Variants in TRDN observed in about 807,000 individuals in gnomAD.
TRDN encodes triadin.
In TRDN, 161 loss-of-function variants were observed where a neutral mutation model predicts 149.7. That is an observed-to-expected ratio of 1.08 (90% CI 0.95 to 1.23). The LOEUF is 1.23. Among genes scored for constraint, TRDN ranks in the 50% most tolerant of loss-of-function variants. TRDN has a pLI of 0.00. For synonymous variants in TRDN, 294 were observed against 250.5 expected (o/e 1.17, Z -1.64); for missense variants, 896 against 823.5 (o/e 1.09, Z -1.08).
At chr6:123,288,967 C>G (rs1008830726) in intron 24 of TRDN, among the ~76,000 whole-genome samples, 9 of 150,372 alleles carry the variant, frequency 6.0e-5, no homozygotes, top group Non-Finnish European at 1.0e-4. Context: ...TCACAGTAGG[C>G]AAGATACTAA....
chr6:123,621,864 G>A (rs1785400218), intron 1 of TRDN, among the ~76,000 whole-genome samples: 1 of 152,116 alleles, frequency 6.6e-6, no homozygotes, highest in South Asian at 2.1e-4. Flanking sequence ...GTCAAAGTAT[G>A]GATAGATGAA....
chr6:123,222,787 A>G (rs192323365), intron 39 of TRDN, among the ~76,000 whole-genome samples: 12 of 151,994 alleles, frequency 7.9e-5, no homozygotes, highest in Admixed American at 7.2e-4. Flanking sequence ...AAGCACTTAA[A>G]CAAATTTACA....
intron 1 of TRDN, among the ~76,000 whole-genome samples, chr6:123,596,420 G>A (rs1590246): frequency 0.85 from 130,010 of 152,070 alleles, 56,215 homozygotes; most frequent in Admixed American, 0.93. Context: ...TATATGCTGC[G>A]AGGTGTCCAG....
At chr6:123,236,646 C>T (rs968590993) in intron 38 of TRDN, among the ~76,000 whole-genome samples, 3 of 151,974 alleles carry the variant, frequency 2.0e-5, no homozygotes, top group African/African-American at 4.8e-5. Context: ...AGTTTATTTT[C>T]AAAAAATACA....
intron 1 of TRDN, among the ~76,000 whole-genome samples, chr6:123,586,156 G>A (rs1248316967): frequency 6.6e-6 from 1 of 152,150 alleles, no homozygotes; most frequent in Non-Finnish European, 1.5e-5. Flanking sequence ...AAAGAAAAAG[G>A]AGCATTAACC....
intron 30 of TRDN, among the ~76,000 whole-genome samples, chr6:123,270,076 A>C (rs560929815): frequency 6.6e-6 from 1 of 152,174 alleles, no homozygotes; most frequent in East Asian, 1.9e-4. Flanking sequence ...TACGCACATA[A>C]AATTTAAAAC....
chr6:123,603,021 A>T (rs1170243655), intron 1 of TRDN, among the ~76,000 whole-genome samples: 1 of 152,182 alleles, frequency 6.6e-6, no homozygotes, highest in African/African-American at 2.4e-5. Flanking sequence ...ATTTAATCTA[A>T]CATTAGTTCT....
chr6:123,299,266 T>G (rs999093463), intron 24 of TRDN, among the ~76,000 whole-genome samples: 1 of 151,930 alleles, frequency 6.6e-6, no homozygotes, highest in Non-Finnish European at 1.5e-5. Flanking sequence ...GAAGGGTTTG[T>G]GAGAAGGAGA....
At chr6:123,535,399 C>T (rs1443230421) in intron 4 of TRDN, among the ~76,000 whole-genome samples, 1 of 152,008 alleles carries the variant, frequency 6.6e-6, no homozygotes, top group Non-Finnish European at 1.5e-5. Flanking sequence ...CCTGACTTTC[C>T]CCTAACACTT....
At chr6:123,237,197 A>G (rs920031811) in intron 38 of TRDN, among the ~76,000 whole-genome samples, 16 of 151,978 alleles carry the variant, frequency 1.1e-4, no homozygotes, top group African/African-American at 3.4e-4. Context: ...TTTGTTTCCA[A>G]TTGCATGTTG....
intron 21 of TRDN, chr6:123,351,491 T>G (rs1780461579): frequency 1.0e-5 from 10 of 984,040 alleles, no homozygotes; most frequent in Non-Finnish European, 1.1e-5. Flanking sequence ...ACTGTAAAAT[T>G]TCAGAGTCCC....
intron 1 of TRDN, among the ~76,000 whole-genome samples, chr6:123,579,484 A>G (rs148613120): frequency 6.6e-6 from 1 of 152,324 alleles, no homozygotes; most frequent in Non-Finnish European, 1.5e-5. Context: ...CATCACAGGG[A>G]TGAAGACTAC....
rs545370023 is a variant in TRDN at position 123,569,286 on chromosome 6, C to T, written c.232+1637G>A. Among the ~76,000 whole-genome samples the T allele has an allele frequency of 4.6e-5, 7 of 152,294 alleles. No homozygotes were observed. The South Asian group carries it at 1.5e-3, about 32-fold the overall frequency. ...TCTGAGACCTCATCAGCTTGGACTT[C>T]ACTGTTCATATCAGTATCAGCATTT... On this transcript the variant is annotated intron_variant, in intron 2 of 40. Transcript: ENST00000334268.
chr6:123,465,863 A>G (rs1776772161), intron 9 of TRDN, among the ~76,000 whole-genome samples: 1 of 152,236 alleles, frequency 6.6e-6, no homozygotes, highest in Non-Finnish European at 1.5e-5. Context: ...ACTAGATATT[A>G]TCAAATGTCA....
chr6:123,560,132 G>A (rs924425272), intron 2 of TRDN, among the ~76,000 whole-genome samples: 24 of 152,272 alleles, frequency 1.6e-4, no homozygotes, highest in African/African-American at 3.6e-4. Context: ...GGCGGCTGCC[G>A]CTGCTTAAAT....
chr6:123,633,438 T>C (rs1457416489), intron 1 of TRDN, among the ~76,000 whole-genome samples: 2 of 152,028 alleles, frequency 1.3e-5, no homozygotes, highest in African/African-American at 4.8e-5. Flanking sequence ...CATACAGTTG[T>C]GTGAATTCTA....
intron 2 of TRDN, among the ~76,000 whole-genome samples, chr6:123,561,865 C>T (rs1782019885): frequency 1.3e-5 from 2 of 151,884 alleles, no homozygotes; most frequent in African/African-American, 4.8e-5. Context: ...TCCATACCAC[C>T]CCCCAAAAAA....
intron 18 of TRDN, 46 bp from the exon 19 acceptor site, chr6:123,375,677 G>T: frequency 7.3e-7 from 1 of 1,375,124 alleles, no homozygotes; most frequent in Admixed American, 2.6e-5. Flanking sequence ...TTACAAATCT[G>T]CTTATCTCTT....
At chr6:123,242,813 G>A (rs528706821) in intron 38 of TRDN, among the ~76,000 whole-genome samples, 2 of 151,992 alleles carry the variant, frequency 1.3e-5, no homozygotes, top group Non-Finnish European at 2.9e-5. Context: ...TACTAGATAT[G>A]GGAGAGTTCC....
Sources: allele counts gnomAD v4.1 joint callset (sites outside exome capture counted in the v4.1 genomes callset), GRCh38; gene constraint gnomAD v4.1.1; transcripts MANE v1.5; gene names NCBI Gene and HGNC (gene_info 2026-07-23, HGNC 2026-07-21).